Variants in XKR4 observed in about 807,000 individuals in gnomAD.
XKR4 encodes XK related 4.
A neutral mutation model predicts 53.9 loss-of-function variants in XKR4; 12 were observed. That is an observed-to-expected ratio of 0.22 (90% confidence interval 0.14 to 0.36). The LOEUF (loss-of-function observed/expected upper bound fraction) is 0.36. Among genes scored for constraint, XKR4 ranks in the 10% least tolerant of loss-of-function variants. XKR4 has a pLI of 1.00. For missense variants in XKR4, 799 were observed against 859.5 expected (o/e 0.93, Z 0.88); for synonymous variants, 354 against 362.4 (o/e 0.98, Z 0.26).
At chr8:55,379,834 C>T (rs1397370476) in intron 2 of XKR4, among the ~76,000 whole-genome samples, 2 of 152,176 alleles carry the variant, frequency 1.3e-5, no homozygotes, top group Non-Finnish European at 2.9e-5. Context: ...TGTGGGAGAA[C>T]CGACCATCCA....
At chr8:55,455,730 G>A (rs1805560088) in intron 2 of XKR4, among the ~76,000 whole-genome samples, 1 of 152,182 alleles carries the variant, frequency 6.6e-6, no homozygotes, top group Admixed American at 6.5e-5. Flanking sequence ...ATTTGTGCAG[G>A]TGAGACTCAA....
intron 1 of XKR4, among the ~76,000 whole-genome samples, chr8:55,242,948 G>A (rs1430936578): frequency 6.6e-6 from 1 of 152,194 alleles, no homozygotes; most frequent in East Asian, 1.9e-4. Flanking sequence ...CCAAAGTCAT[G>A]TTTAATAAAA....
chr8:55,445,918 A>C (rs531457751), intron 2 of XKR4, among the ~76,000 whole-genome samples: 9 of 152,352 alleles, frequency 5.9e-5, no homozygotes, highest in African/African-American at 2.2e-4. Context: ...CAGCTGCATA[A>C]GCCAAATCTC....
chr8:55,404,095 T>C (rs186296126), intron 2 of XKR4, among the ~76,000 whole-genome samples: 1 of 152,336 alleles, frequency 6.6e-6, no homozygotes, highest in African/African-American at 2.4e-5. Flanking sequence ...TATGTGTGCT[T>C]TTTTTATTAC....
chr8:55,516,721 T>C (rs896070852), intron 2 of XKR4, among the ~76,000 whole-genome samples: 1 of 152,216 alleles, frequency 6.6e-6, no homozygotes, highest in African/African-American at 2.4e-5. Context: ...TGGAGATTTC[T>C]CAAAGAACTA....
chr8:55,425,336 C>T (rs1804995895), intron 2 of XKR4, among the ~76,000 whole-genome samples: 1 of 152,158 alleles, frequency 6.6e-6, no homozygotes, highest in African/African-American at 2.4e-5. Context: ...AGGTTGGCCC[C>T]TCACCGTTTG....
chr8:55,133,602 G>A (rs1037144768), intron 1 of XKR4, among the ~76,000 whole-genome samples: 5 of 152,330 alleles, frequency 3.3e-5, no homozygotes, highest in Middle Eastern at 3.4e-3. Context: ...CGATTACCAA[G>A]TAATAAGTTA....
chr8:55,276,535 A>G (rs971409437), intron 1 of XKR4, among the ~76,000 whole-genome samples: 6 of 152,220 alleles, frequency 3.9e-5, no homozygotes, highest in African/African-American at 9.6e-5. Flanking sequence ...GGAAACCACA[A>G]TGCAATTCTT....
intron 1 of XKR4, among the ~76,000 whole-genome samples, chr8:55,346,683 T>TTGTGTGTGTGTG (rs1438938737): frequency 1.8e-5 from 1 of 55,522 alleles, no homozygotes; most frequent in African/African-American, 1.1e-4. Context: ...CCTGTTGAGG[T>TTGTGTGTGTGTG]TATGTGTGTG....
chr8:55,163,238 A>C (rs972129154), intron 1 of XKR4, among the ~76,000 whole-genome samples: 1 of 152,258 alleles, frequency 6.6e-6, no homozygotes, highest in East Asian at 1.9e-4. Flanking sequence ...CCCTGGAAAG[A>C]GAAGGCTTTT....
At chr8:55,407,637 T>G (rs1804704772) in intron 2 of XKR4, among the ~76,000 whole-genome samples, 1 of 152,166 alleles carries the variant, frequency 6.6e-6, no homozygotes, top group Admixed American at 6.5e-5. Context: ...CCCGGGGAAG[T>G]CTCTGAGCCT....
At chr8:55,454,787 T>A in intron 2 of XKR4, 2 of 773,772 alleles carry the variant, frequency 2.6e-6, no homozygotes, top group East Asian at 2.4e-5. Context: ...GGGGCAAACA[T>A]CTGGGCAGAT....
chr8:55,424,333 A>G (rs1441058584), intron 2 of XKR4, among the ~76,000 whole-genome samples: 2 of 152,214 alleles, frequency 1.3e-5, no homozygotes, highest in African/African-American at 4.8e-5. Flanking sequence ...TATAGTCAAC[A>G]TTTTTTATAG....
At chr8:55,408,361 A>G (rs1336797712) in intron 2 of XKR4, among the ~76,000 whole-genome samples, 1 of 152,242 alleles carries the variant, frequency 6.6e-6, no homozygotes, top group African/African-American at 2.4e-5. Context: ...ACAGGAAACA[A>G]AAGACAAAGC....
chr8:55,137,451 C>G (rs1366856004), intron 1 of XKR4, among the ~76,000 whole-genome samples: 4 of 151,490 alleles, frequency 2.6e-5, no homozygotes, highest in African/African-American at 9.7e-5. Context: ...TCCTCAAGGT[C>G]TTTTAGGGAT....
chr8:55,169,115 C>T (rs928713342), intron 1 of XKR4, among the ~76,000 whole-genome samples: 2 of 152,186 alleles, frequency 1.3e-5, no homozygotes, highest in African/African-American at 4.8e-5. Flanking sequence ...GTTTTTAACA[C>T]GTGCCCTTTA....
At chr8:55,273,644 C>T (rs1218690990) in intron 1 of XKR4, among the ~76,000 whole-genome samples, 1 of 152,194 alleles carries the variant, frequency 6.6e-6, no homozygotes, top group Non-Finnish European at 1.5e-5. Flanking sequence ...TTGTGGCCCC[C>T]ACCCTGGAAC....
intron 2 of XKR4, among the ~76,000 whole-genome samples, chr8:55,412,793 C>T (rs1378143401): frequency 6.6e-6 from 1 of 152,168 alleles, no homozygotes; most frequent in Admixed American, 6.5e-5. Context: ...GTGCAATTCC[C>T]GAGGAGCCTC....
At chr8:55,136,042 C>A (rs1816624475) in intron 1 of XKR4, among the ~76,000 whole-genome samples, 1 of 152,050 alleles carries the variant, frequency 6.6e-6, no homozygotes, top group Admixed American at 6.6e-5. Flanking sequence ...TACAGGTGCA[C>A]ACCACCATAC....
Sources: allele counts gnomAD v4.1 joint callset (sites outside exome capture counted in the v4.1 genomes callset), GRCh38; gene constraint gnomAD v4.1.1; transcripts MANE v1.5; gene names NCBI Gene and HGNC (gene_info 2026-07-23, HGNC 2026-07-21).